The following TLE4 variants were observed in gnomAD, a reference collection of about 807,000 sequenced individuals.
TLE4 encodes the protein transducin-like enhancer protein 4.
In TLE4, 8 loss-of-function variants were observed where a neutral mutation model predicts 92.8. The observed-to-expected ratio is 0.09, with a 90% CI of 0.05 to 0.16. TLE4 has a LOEUF of 0.16. Among genes scored for constraint, TLE4 ranks in the 10% least tolerant of loss-of-function variants. The pLI is 1.00. For synonymous variants in TLE4, 371 were observed against 374.1 expected, an observed-to-expected ratio of 0.99 and a Z score of 0.10; for missense variants, 675 against 997.6, an observed-to-expected ratio of 0.68 and a Z score of 4.36.
At chr9:79,665,233 C>T (rs1036641557) in intron 8 of TLE4, among the ~76,000 whole-genome samples, 1 of 152,090 alleles carries the variant, frequency 6.6e-6, no homozygotes, top group Non-Finnish European at 1.5e-5. Flanking sequence ...ACTTTGAAAC[C>T]TGTTGGTATT....
At chr9:79,685,064 C>G (rs190626882) in intron 8 of TLE4, among the ~76,000 whole-genome samples, 2 of 152,292 alleles carry the variant, frequency 1.3e-5, no homozygotes, top group African/African-American at 4.8e-5. Flanking sequence ...CATAGCTGCA[C>G]TAGAACCGTG....
rs576531525 is a variant in TLE4, at chr9:79,596,132, A to C, written c.253-16524A>C. Among the ~76,000 whole-genome samples, 15 of 152,194 alleles carry C rather than the reference A, an allele frequency of 9.9e-5. No homozygotes were observed. In the South Asian group the frequency reaches 1.7e-3, roughly 17 times the overall value. On this transcript the variant is annotated intron_variant, in intron 4 of 19. Transcript: ENST00000376552. ...AAGTGCTGGGATTACAGGCGTGAGGAACCGCGCCCGGCCGTTTAGTATCTA... is the reference window on the plus strand; with the variant it reads ...AAGTGCTGGGATTACAGGCGTGAGGCACCGCGCCCGGCCGTTTAGTATCTA...
chr9:79,630,175 T>A (rs983472807), intron 6 of TLE4, among the ~76,000 whole-genome samples: 4 of 152,170 alleles, frequency 2.6e-5, no homozygotes, highest in Non-Finnish European at 5.9e-5. Context: ...TTTAATGAAA[T>A]CTGATGAAGC....
intron 8 of TLE4, among the ~76,000 whole-genome samples, chr9:79,675,908 T>G (rs2063176871): frequency 6.6e-6 from 1 of 152,158 alleles, no homozygotes; most frequent in Non-Finnish European, 1.5e-5. Context: ...ATCCAAAATC[T>G]GAAAAATCTG....
intron 8 of TLE4, among the ~76,000 whole-genome samples, chr9:79,657,460 C>G (rs182118616): frequency 1.3e-5 from 2 of 152,244 alleles, no homozygotes; most frequent in East Asian, 3.9e-4. Flanking sequence ...CACCCCCTCT[C>G]ATTGAGGGCT....
At chr9:79,662,151 T>C (rs1244325399) in intron 8 of TLE4, among the ~76,000 whole-genome samples, 1 of 152,234 alleles carries the variant, frequency 6.6e-6, no homozygotes, top group South Asian at 2.1e-4. Context: ...TAAGTATTCT[T>C]GTTGTAAGTG....
chr9:79,702,360 A>T (rs1489697774), intron 8 of TLE4, among the ~76,000 whole-genome samples: 1 of 152,134 alleles, frequency 6.6e-6, no homozygotes, highest in Non-Finnish European at 1.5e-5. Context: ...GAGAGGGGAA[A>T]ACTAGAAACG....
intron 8 of TLE4, among the ~76,000 whole-genome samples, chr9:79,658,014 T>C (rs1415429322): frequency 6.6e-6 from 1 of 152,212 alleles, no homozygotes; most frequent in East Asian, 1.9e-4. Flanking sequence ...ACGAGTACTT[T>C]TTCTCCTCTG....
chr9:79,614,617 C>CT (rs1564391747), intron 5 of TLE4, among the ~76,000 whole-genome samples: 10 of 152,136 alleles, frequency 6.6e-5, no homozygotes, highest in African/African-American at 2.2e-4. Context: ...TGTCATACCA[C>CT]TTAACTATTT....
At chr9:79,574,115 G>C (rs893107866) in intron 2 of TLE4, 15 of 185,278 alleles carry the variant, frequency 8.1e-5, no homozygotes, top group Admixed American at 3.1e-4. Context: ...TGACATCCTT[G>C]GTTCTTTATT....
At chr9:79,680,562 T>C (rs1053337650) in intron 8 of TLE4, among the ~76,000 whole-genome samples, 3 of 152,202 alleles carry the variant, frequency 2.0e-5, no homozygotes, top group Non-Finnish European at 4.4e-5. Flanking sequence ...TACAATCATG[T>C]CATCTGCAAA....
chr9:79,683,644 A>G (rs1378009225), intron 8 of TLE4, among the ~76,000 whole-genome samples: 2 of 152,182 alleles, frequency 1.3e-5, no homozygotes, highest in African/African-American at 4.8e-5. Flanking sequence ...TAATCCATGA[A>G]CTGATAAGGT....
intron 4 of TLE4, among the ~76,000 whole-genome samples, chr9:79,588,400 C>T (rs1295838008): frequency 6.6e-6 from 1 of 152,150 alleles, no homozygotes; most frequent in Non-Finnish European, 1.5e-5. Flanking sequence ...CCACCCACCT[C>T]GGCCTCCCAA....
intron 14 of TLE4, among the ~76,000 whole-genome samples, chr9:79,711,874 A>G (rs1671832173): frequency 6.6e-6 from 1 of 152,242 alleles, no homozygotes; most frequent in Non-Finnish European, 1.5e-5. Flanking sequence ...TGCAGTTGGC[A>G]AATGACACTT....
At position 79,708,642 on chromosome 9, in the gene TLE4, A is replaced by T; in HGVS notation, c.1119A>T (p.Pro373=). The part of the protein sequence containing the change: ...PMAVPCPYPT[P]FGIVPHAGMN... ...CAGTACCTTGTCCATATCCAACTCC[A>T]TTTGGGATTGTGCCCCATGCTGGAA... Residue 373 remains proline, a synonymous_variant, in exon 13 of 20, where the codon CCA becomes CCT. Transcript: ENST00000376552. The T allele has an allele frequency of 1.2e-6, 2 of 1,614,038 alleles. No individual in the cohort carries two copies. Among genetic ancestry groups the T allele is most frequent in the Non-Finnish European group, 8.5e-7 (1 of 1,180,024 alleles).
intron 4 of TLE4, among the ~76,000 whole-genome samples, chr9:79,608,855 A>G (rs1259679630): frequency 2.0e-5 from 3 of 152,088 alleles, no homozygotes; most frequent in Admixed American, 6.6e-5. Context: ...CAAGTTTATT[A>G]TGTTTTTAAA....
chr9:79,696,367 GCCCTTAAGA>G (rs2068257611), intron 8 of TLE4, among the ~76,000 whole-genome samples: 1 of 152,070 alleles, frequency 6.6e-6, no homozygotes, highest in Non-Finnish European at 1.5e-5. Flanking sequence ...TTTAATGAAG[GCCCTTAAGA>G]CCAATCAGTT....
At chr9:79,575,300 A>G (rs996273687) in intron 3 of TLE4, among the ~76,000 whole-genome samples, 21 of 152,294 alleles carry the variant, frequency 1.4e-4, no homozygotes, top group African/African-American at 5.1e-4. Flanking sequence ...AATTTTTGCC[A>G]GTTTTTCTGT....
At chr9:79,589,726 A>G (rs1456060382) in intron 4 of TLE4, among the ~76,000 whole-genome samples, 3 of 152,070 alleles carry the variant, frequency 2.0e-5, no homozygotes, top group Non-Finnish European at 2.9e-5. Flanking sequence ...CATTTTAACC[A>G]TTCTCCTGAG....
Sources: allele counts gnomAD v4.1 joint callset (sites outside exome capture counted in the v4.1 genomes callset), GRCh38; gene constraint gnomAD v4.1.1; transcripts MANE v1.5; gene names NCBI Gene and HGNC (gene_info 2026-07-23, HGNC 2026-07-21).